TSPAN33: variants seen among roughly 807,000 people sequenced by gnomAD.
The protein encoded by TSPAN33 is tetraspanin 33, also known as tetraspanin-33.
A neutral mutation model predicts 34.8 loss-of-function variants in TSPAN33; 27 were observed. The ratio of observed to expected loss-of-function variants is 0.78; its 90% CI spans 0.57 to 1.07. The LOEUF is 1.07. TSPAN33 is among the 50% of genes least tolerant of loss of function. The pLI is 0.00. For synonymous variants in TSPAN33, 119 were observed against 124.2 expected (o/e 0.96, Z 0.28); for missense variants, 272 against 324.9 (o/e 0.84, Z 1.25).
At chr7:129,162,932 C>T in intron 4 of TSPAN33, 25 bp downstream of exon 4, 2 of 1,610,766 alleles carry the variant, frequency 1.2e-6, no homozygotes, top group Non-Finnish European at 1.7e-6. Context: ...CAGGAGGCCT[C>T]CTCAGGTGTG....
At chr7:129,162,308 G>A in intron 2 of TSPAN33, 86 bp from the exon 3 acceptor site, 2 of 1,573,460 alleles carry the variant, frequency 1.3e-6, no homozygotes, top group Non-Finnish European at 1.7e-6. Context: ...CCAGGGGAAG[G>A]AGAACAGTTT....
rs771048133 is a variant in TSPAN33 at position 129,162,400 on chromosome 7, C to T, written c.167C>T (p.Ala56Val). 3 of 1,612,942 alleles carry T rather than the reference C, an allele frequency of 1.9e-6. No individual in the cohort carries two copies. The highest frequency in any genetic ancestry group is 2.5e-6 in the Non-Finnish European group (3 of 1,179,994). The change falls in exon 3 of 8, where the codon GCC becomes GTC. Residue 56 changes from alanine to valine, a missense_variant. Physicochemically the swap from Ala to Val is moderately conservative, Grantham distance 64. Coordinates refer to ENST00000486685, the MANE Select transcript of TSPAN33 (RefSeq NM_178562.5). ...GGGCCGGCTCCTTTTCCAGAAGCAG[C>T]CCTAGCCTGCCTGGCAGTGGACCCT... ...YARLMKHAEA[A>V]LACLAVDPAI...
Position 129,161,659 on chromosome 7 carries a change from C to G in TSPAN33, c.103-20C>G, listed in dbSNP as rs1335963116. 7.4e-6 allele frequency: 12 copies of G among 1,613,776 alleles called. No homozygotes were observed. The East Asian group carries it at 2.7e-4, about 36-fold the overall frequency. On this transcript the variant is annotated intron_variant, in intron 1 of 7. Transcript: ENST00000486685. ...TGGTTTCCAGAATCTCAGGGTCTGGCTCTTTTCCTGTCTCCACAGGTGATT... is the reference window on the plus strand; with the variant it reads ...TGGTTTCCAGAATCTCAGGGTCTGGGTCTTTTCCTGTCTCCACAGGTGATT...
At position 129,162,484 on chromosome 7, in the gene TSPAN33, T is replaced by TTC; in HGVS notation, c.252_253insCT (p.Gly85LeufsTer43). 6.2e-7 allele frequency: 1 copy of TTC among 1,613,896 alleles called. No individual in the cohort carries two copies. The highest frequency in any genetic ancestry group is 8.5e-7 in the Non-Finnish European group (1 of 1,180,034). On this transcript the variant is annotated frameshift_variant, in exon 3 of 8. Transcript: ENST00000486685. LOFTEE classifies it high-confidence loss of function. ...TTCCTGCTCACCTTCTGTGGCTGCATTGGGTCCCTCCGCGAGAACATCTGC... is the reference window on the plus strand; with the variant it reads ...TTCCTGCTCACCTTCTGTGGCTGCATTCTGGGTCCCTCCGCGAGAACATCTGC...
At chr7:129,163,896 G>A (rs541939556) in intron 4 of TSPAN33, among the ~76,000 whole-genome samples, 1 of 152,102 alleles carries the variant, frequency 6.6e-6, no homozygotes, top group African/African-American at 2.4e-5. Context: ...AGCTGAGATC[G>A]CGCCACTACA....
At chr7:129,162,580 C>G (rs1584640012) in intron 3 of TSPAN33, 59 bp downstream of exon 3, 1 of 1,598,912 alleles carries the variant, frequency 6.3e-7, no homozygotes, top group Non-Finnish European at 8.5e-7. Flanking sequence ...TGCCTCTTAG[C>G]CTCCCACGGC....
rs770815383 is a variant in TSPAN33 at position 129,162,458 on chromosome 7, G to A, written c.225G>A (p.Met75Ile). The change falls in exon 3 of 8, where the codon ATG becomes ATA. Residue 75 changes from methionine to isoleucine, a missense_variant. By Grantham distance (10) the Met-to-Ile change is conservative (BLOSUM62 1). Coordinates refer to ENST00000486685, the MANE Select transcript of TSPAN33 (RefSeq NM_178562.5). ...TGCTGATCGTGGTGGGTGTCCTCAT[G>A]TTCCTGCTCACCTTCTGTGGCTGCA... Reference protein sequence around the residue: ...AILLIVVGVLMFLLTFCGCIG... With the variant: ...AILLIVVGVLIFLLTFCGCIG... 6.2e-6 allele frequency: 10 copies of A among 1,613,860 alleles called. No homozygotes were observed. In the African/African-American group the frequency reaches 1.3e-4, roughly 22 times the overall value.
Position 129,167,475 on chromosome 7 carries a change from A to G in TSPAN33, c.665A>G (p.Asn222Ser). 1 of 1,614,230 alleles carries G rather than the reference A, an allele frequency of 6.2e-7. No homozygotes were observed. The highest frequency in any genetic ancestry group is 2.2e-5 in the East Asian group (1 of 44,882). The change falls in exon 7 of 8, where the codon AAT becomes AGT. Residue 222 changes from asparagine to serine, a missense_variant. By Grantham distance (46) the Asn-to-Ser change is conservative. Coordinates refer to ENST00000486685, the MANE Select transcript of TSPAN33 (RefSeq NM_178562.5). This position sits in a 1 kb window ranked among gnomAD's most constrained non-coding sequence, Gnocchi z 4.6. ...GAAGCTAGCAAAGTCATCTACACCAATGGCTGTATTGACAAGTTGGTCAAC... is the reference window on the plus strand; with the variant it reads ...GAAGCTAGCAAAGTCATCTACACCAGTGGCTGTATTGACAAGTTGGTCAAC... ...YLEASKVIYT[N>S]GCIDKLVNWI...
chr7:129,167,974 C>A lies in TSPAN33; in HGVS notation c.*100C>A. 6.6e-7 allele frequency: 1 copy of A among 1,506,060 alleles called. No homozygotes were observed. The highest frequency in any genetic ancestry group is 2.1e-5 in the Admixed American group (1 of 47,946). The allele number at this position is 1,506,060 out of a possible 1,614,324, so 93.3% of individuals were successfully genotyped here. ...CACCAAATGGAGATTTGGATTCCAG[C>A]CCCCCAGTGACAGCCCAGTGGGAAG... is the stretch of plus-strand genomic sequence containing the variant. On this transcript the variant is annotated 3_prime_UTR_variant, in exon 8 of 8. Transcript: ENST00000486685. The surrounding 1 kb of genome is among the most constrained non-coding windows in gnomAD (Gnocchi z 4.6).
intron 1 of TSPAN33, among the ~76,000 whole-genome samples, chr7:129,161,291 G>T (rs1412136983): frequency 6.6e-6 from 1 of 152,158 alleles, no homozygotes; most frequent in African/African-American, 2.4e-5. Context: ...TGTTACCCAG[G>T]CTGGTCTCAA....
chr7:129,149,875 G>A lies in TSPAN33; in HGVS notation c.102+4793G>A, dbSNP rs561407063. Among the ~76,000 whole-genome samples the A allele has an allele frequency of 1.2e-3, 185 of 152,344 alleles. 1 individual carries two copies. Among genetic ancestry groups the A allele is most frequent in the African/African-American group, 4.2e-3 (173 of 41,588 alleles). On this transcript the variant is annotated intron_variant, in intron 1 of 7. Transcript: ENST00000486685. The stretch of plus-strand genomic sequence containing the variant: ...GCCACCTCAGACACCCATAACAGCA[G>A]CGCCATGGAGAGCACAGAAAGACCA...
intron 1 of TSPAN33, among the ~76,000 whole-genome samples, chr7:129,146,524 A>G (rs1810522672): frequency 6.6e-6 from 1 of 152,178 alleles, no homozygotes; most frequent in Non-Finnish European, 1.5e-5. Flanking sequence ...TTTCTACTGA[A>G]CCACAGTGCC....
intron 1 of TSPAN33, among the ~76,000 whole-genome samples, chr7:129,150,347 C>T (rs543998777): frequency 1.1e-4 from 17 of 152,280 alleles, no homozygotes; most frequent in African/African-American, 2.9e-4. Flanking sequence ...ACCCTGTCCC[C>T]GCCGCCAGCT....
chr7:129,149,849 C>T (rs914684297), intron 1 of TSPAN33, among the ~76,000 whole-genome samples: 2 of 152,206 alleles, frequency 1.3e-5, no homozygotes, highest in South Asian at 2.1e-4. Flanking sequence ...CATGGACAGC[C>T]GCCACCTCAG....
chr7:129,153,741 G>A (rs577869786), intron 1 of TSPAN33, among the ~76,000 whole-genome samples: 1 of 152,152 alleles, frequency 6.6e-6, no homozygotes, highest in South Asian at 2.1e-4. Context: ...AGGAGTTCAA[G>A]ACCAGCCTGG....
intron 5 of TSPAN33, chr7:129,164,777 T>A: frequency 2.0e-6 from 1 of 501,574 alleles, no homozygotes; most frequent in South Asian, 2.1e-5. Flanking sequence ...TACTGTGTTA[T>A]AAATGGTTAC....
At position 129,151,634 on chromosome 7, in the gene TSPAN33, C is replaced by A. The variant is rs185052644; in HGVS notation, c.102+6552C>A. ...TCTCCTTTTAAACATCAAATCATGA[C>A]TATTTTTTCCCAATTTGCAAGAAAA... is the stretch of plus-strand genomic sequence containing the variant. On this transcript the variant is annotated intron_variant, in intron 1 of 7. Coordinates refer to ENST00000486685, the MANE Select transcript of TSPAN33 (RefSeq NM_178562.5). Among the ~76,000 whole-genome samples, 146 of 152,160 alleles carry A rather than the reference C, an allele frequency of 9.6e-4. 2 individuals are homozygous for A. The highest frequency in any genetic ancestry group is 3.4e-3 in the African/African-American group (141 of 41,498).
intron 1 of TSPAN33, among the ~76,000 whole-genome samples, 169 bp downstream of exon 1, chr7:129,145,251 G>A (rs563809070): frequency 1.4e-4 from 21 of 152,176 alleles, no homozygotes; most frequent in African/African-American, 4.8e-4. Context: ...GCGTCTGCAG[G>A]GGGCGTTGTA....
At chr7:129,153,076 A>G (rs958102674) in intron 1 of TSPAN33, among the ~76,000 whole-genome samples, 4 of 150,874 alleles carry the variant, frequency 2.7e-5, no homozygotes, top group Admixed American at 6.6e-5. Flanking sequence ...AAAAAAAAAA[A>G]AAAAAAGAAA....
Sources: gnomAD v4.1 joint callset for allele counts (sites outside exome capture counted in the v4.1 genomes callset) on GRCh38, gnomAD v4.1.1 for gene constraint, Gnocchi (gnomAD v3.1) non-coding constraint, MANE v1.5 for transcripts, NCBI Gene and HGNC (gene_info 2026-07-23, HGNC 2026-07-21) for gene names.